SYNE1: variants seen among roughly 807,000 people sequenced by gnomAD.
SYNE1 encodes the protein spectrin repeat containing nuclear envelope protein 1.
In SYNE1, 616 loss-of-function variants were observed where a neutral mutation model predicts 1,111.0. The observed-to-expected ratio is 0.55, with a 90% CI of 0.52 to 0.59. The LOEUF (loss-of-function observed/expected upper bound fraction) is 0.59, where lower values mean the gene tolerates loss of function less well. Ranked by LOEUF, SYNE1 falls within the 20% of genes least tolerant of loss-of-function variation. SYNE1 has a pLI of 0.00. For missense variants in SYNE1, 10,006 were observed against 10,417.0 expected, an observed-to-expected ratio of 0.96 and a Z score of 1.72; for synonymous variants, 3,855 against 3,825.8, an observed-to-expected ratio of 1.01 and a Z score of -0.28.
intron 33 of SYNE1, chr6:152,435,654 C>A: frequency 2.2e-6 from 1 of 446,222 alleles, no homozygotes; most frequent in Non-Finnish European, 3.9e-6. Context: ...TTCAAGATTC[C>A]CTCTACAATG....
intron 136 of SYNE1, 49 bp downstream of exon 136, chr6:152,149,428 C>T (rs1159841704): frequency 6.2e-7 from 1 of 1,609,840 alleles, no homozygotes; most frequent in Non-Finnish European, 8.5e-7. Context: ...TCCCACACGA[C>T]TTATTCTCTT....
chr6:152,365,530 G>A (rs1372068965), intron 62 of SYNE1, among the ~76,000 whole-genome samples: 1 of 152,116 alleles, frequency 6.6e-6, no homozygotes, highest in Non-Finnish European at 1.5e-5. Context: ...TGTAATCATA[G>A]TTCACTGCAG....
At chr6:152,387,935 A>G (rs1391642539) in intron 53 of SYNE1, among the ~76,000 whole-genome samples, 1 of 152,188 alleles carries the variant, frequency 6.6e-6, no homozygotes, top group Non-Finnish European at 1.5e-5. Context: ...ATGCTCAAGT[A>G]TTTATAAGAA....
At position 152,353,327 on chromosome 6, in the gene SYNE1, T is replaced by A; in HGVS notation, c.11189A>T (p.Asn3730Ile). ...TACTTTGTCAATCTTGGTAGCCACA[T>A]TCTTGAAGTTTTTATGAGTAGAGCC... Reference protein sequence around the residue: ...WYGSTHKNFKNVATKIDKVDT... With the variant: ...WYGSTHKNFKIVATKIDKVDT... Residue 3730 changes from asparagine to isoleucine, a missense_variant, in exon 69 of 146, where the codon AAT (asparagine) becomes ATT (isoleucine). Asn to Ile is a moderately radical substitution (Grantham distance 149). Around this residue, in one of 7 missense-constraint regions of SYNE1, gnomAD observed 4,955 missense variants for 5,017.2 expected, o/e 0.99. Coordinates refer to ENST00000367255, the MANE Select transcript of SYNE1 (RefSeq NM_182961.4). 6.2e-7 allele frequency: 1 copy of A among 1,614,196 alleles called. No individual in the cohort carries two copies. The highest frequency in any genetic ancestry group is 2.2e-5 in the East Asian group (1 of 44,888).
chr6:152,626,771 T>G (rs78574673), intron 3 of SYNE1, among the ~76,000 whole-genome samples: 2,605 of 152,280 alleles, frequency 0.017, 37 homozygotes, highest in Middle Eastern at 0.088. Flanking sequence ...AAGCTCTCAA[T>G]CAAGTTGGTG....
intron 3 of SYNE1, among the ~76,000 whole-genome samples, chr6:152,552,980 T>C (rs1035784894): frequency 6.6e-6 from 1 of 152,190 alleles, no homozygotes; most frequent in Non-Finnish European, 1.5e-5. Flanking sequence ...TTTATTCGTA[T>C]AGTAATGAAT....
At chr6:152,612,182 C>T (rs2099633157) in intron 3 of SYNE1, among the ~76,000 whole-genome samples, 1 of 151,672 alleles carries the variant, frequency 6.6e-6, no homozygotes, top group Non-Finnish European at 1.5e-5. Context: ...AACAAAAAGC[C>T]CTTCAAAAAA....
At chr6:152,317,129 G>A (rs537083976) in intron 86 of SYNE1, 143 bp from the exon 87 acceptor site, 24 of 979,922 alleles carry the variant, frequency 2.4e-5, no homozygotes, top group South Asian at 2.3e-4. Flanking sequence ...TCAAAAGATC[G>A]TTTCCCTGTT....
At chr6:152,518,931 G>A (rs1042410667) in intron 6 of SYNE1, among the ~76,000 whole-genome samples, 1 of 150,102 alleles carries the variant, frequency 6.7e-6, no homozygotes, top group Non-Finnish European at 1.5e-5. Context: ...ATATACAATT[G>A]AACAATGAGA....
chr6:152,234,797 A>G lies in SYNE1; in HGVS notation c.20400T>C (p.Tyr6800=). The part of the protein sequence containing the change: ...LETILKHWTR[Y]QSESADLIHW... Reference sequence around the variant, plus strand: ...GAATTAGATCTGCAGATTCACTTTGATATCTGTTAAGTATATTATGGAGTC... The same window carrying G: ...GAATTAGATCTGCAGATTCACTTTGGTATCTGTTAAGTATATTATGGAGTC... Residue 6800 remains tyrosine, a synonymous_variant, in exon 111 of 146, where the codon TAT becomes TAC. Transcript: ENST00000367255. 1 of 1,614,092 alleles carries G rather than the reference A, an allele frequency of 6.2e-7. No individual in the cohort carries two copies. Among genetic ancestry groups the G allele is most frequent in the Non-Finnish European group, 8.5e-7 (1 of 1,179,982 alleles).
rs563183066 is a variant in SYNE1, at chr6:152,123,331, T to A, written c.26154-655A>T. On this transcript the variant is annotated intron_variant, in intron 145 of 145. Coordinates refer to ENST00000367255, the MANE Select transcript of SYNE1 (RefSeq NM_182961.4). ...GTCTGTCTACAGAACACTGGTGTTG[T>A]ATGATGTAGATGCTAGGCTGATCCT... is the stretch of plus-strand genomic sequence containing the variant. Among the ~76,000 whole-genome samples, 60 of 152,342 alleles carry A rather than the reference T, an allele frequency of 3.9e-4. 1 individual carries two copies. Among genetic ancestry groups the A allele is most frequent in the African/African-American group, 1.3e-3 (54 of 41,570 alleles).
At chr6:152,363,133 G>A (rs1028654188) in intron 63 of SYNE1, among the ~76,000 whole-genome samples, 55 of 150,328 alleles carry the variant, frequency 3.7e-4, no homozygotes, top group African/African-American at 1.1e-3. Flanking sequence ...TGCCTGCCTC[G>A]GCCTCCCAAA....
chr6:152,283,065 T>C (rs1333408109), intron 96 of SYNE1, among the ~76,000 whole-genome samples: 1 of 152,156 alleles, frequency 6.6e-6, no homozygotes, highest in Non-Finnish European at 1.5e-5. Context: ...TTAGGGAGCC[T>C]CCAGTCTAAC....
chr6:152,284,765 A>G (rs1177190943), intron 95 of SYNE1, among the ~76,000 whole-genome samples: 1 of 151,802 alleles, frequency 6.6e-6, no homozygotes, highest in Non-Finnish European at 1.5e-5. Flanking sequence ...AAGAGTCTCC[A>G]ATACAACGTT....
chr6:152,291,064 AAT>A (rs1260458133), intron 95 of SYNE1, among the ~76,000 whole-genome samples: 1 of 147,280 alleles, frequency 6.8e-6, no homozygotes, highest in Non-Finnish European at 1.5e-5. Context: ...TAATTATATT[AAT>A]ATGATATATT....
intron 58 of SYNE1, among the ~76,000 whole-genome samples, chr6:152,374,459 A>G (rs1591405402): frequency 6.6e-6 from 1 of 152,216 alleles, no homozygotes; most frequent in East Asian, 1.9e-4. Flanking sequence ...AGGGTCAGAG[A>G]AAAGGCCAAA....
At chr6:152,597,070 T>A (rs12528389) in intron 3 of SYNE1, among the ~76,000 whole-genome samples, 3,323 of 152,286 alleles carry the variant, frequency 0.022, 129 homozygotes, top group African/African-American at 0.076. Flanking sequence ...CATAAAAAAT[T>A]TTTGTTAAAT....
chr6:152,439,734 G>T (rs1032271069), intron 32 of SYNE1, among the ~76,000 whole-genome samples: 1 of 152,096 alleles, frequency 6.6e-6, no homozygotes, highest in African/African-American at 2.4e-5. Context: ...TAAAGGCTAG[G>T]GAAGGGTGGG....
chr6:152,351,608 G>T (rs574327075), intron 70 of SYNE1, among the ~76,000 whole-genome samples: 10 of 152,266 alleles, frequency 6.6e-5, no homozygotes, highest in African/African-American at 2.4e-4. Context: ...TTATAAATAT[G>T]ATATGTCATT....
Sources: allele counts gnomAD v4.1 joint callset (sites outside exome capture counted in the v4.1 genomes callset), GRCh38; gene constraint gnomAD v4.1.1; regional missense constraint gnomAD v4.1.1; transcripts MANE v1.5; gene names NCBI Gene and HGNC (gene_info 2026-07-23, HGNC 2026-07-21).